The following SLC16A12 variants were observed in gnomAD, a reference collection of about 807,000 sequenced individuals.
The protein encoded by SLC16A12 is solute carrier family 16 member 12, also known as monocarboxylate transporter 12.
SLC16A12 carries 17 observed loss-of-function variants against 42.4 expected under a neutral mutation model. That is an observed-to-expected ratio of 0.40 (90% CI 0.27 to 0.60). The LOEUF is 0.60. Among genes scored for constraint, SLC16A12 ranks in the 20% least tolerant of loss-of-function variants. The pLI, the probability that SLC16A12 is intolerant of heterozygous loss-of-function variation, is 0.42. For missense variants in SLC16A12, 544 were observed against 623.0 expected (o/e 0.87, Z 1.35); for synonymous variants, 224 against 229.4 (o/e 0.98, Z 0.21).
chr10:89,473,565 G>C (rs1842534363), intron 2 of SLC16A12, among the ~76,000 whole-genome samples: 1 of 152,176 alleles, frequency 6.6e-6, no homozygotes, highest in Non-Finnish European at 1.5e-5. Flanking sequence ...ATTTAAAATG[G>C]AGGCTTATGA....
At chr10:89,440,283 C>CT (rs1458678419) in intron 5 of SLC16A12, among the ~76,000 whole-genome samples, 1 of 152,100 alleles carries the variant, frequency 6.6e-6, no homozygotes. Context: ...GGATGTGGGA[C>CT]TTCCAGTGTT....
At chr10:89,527,100 CA>C (rs1391844669) in intron 2 of SLC16A12, among the ~76,000 whole-genome samples, 6 of 152,092 alleles carry the variant, frequency 3.9e-5, no homozygotes, top group African/African-American at 1.4e-4. Flanking sequence ...ACAAAATCAA[CA>C]GTTAAAGTGT....
At position 89,522,323 on chromosome 10, in the gene SLC16A12, C is replaced by T. The variant is rs184842550; in HGVS notation, c.-47+12178G>A. On this transcript the variant is annotated intron_variant, in intron 2 of 7. Transcript: ENST00000371790. ...TGAGCCCTTGGGTCCTTTGCTGCTC[C>T]GCTTTCCCCCATTCCATTAACTGGT... Among the ~76,000 whole-genome samples, 10 of 152,332 alleles carry T rather than the reference C, an allele frequency of 6.6e-5. No individual in the cohort carries two copies. The East Asian group carries it at 1.5e-3, about 24-fold the overall frequency.
chr10:89,479,035 G>A (rs1037391322), intron 2 of SLC16A12, among the ~76,000 whole-genome samples: 3 of 152,084 alleles, frequency 2.0e-5, no homozygotes, highest in African/African-American at 7.2e-5. Context: ...CTTACTTATG[G>A]ACTGACCTTA....
At chr10:89,531,000 T>TA (rs902283805) in intron 2 of SLC16A12, among the ~76,000 whole-genome samples, 2 of 152,014 alleles carry the variant, frequency 1.3e-5, no homozygotes, top group African/African-American at 4.8e-5. Context: ...TGTTGATATA[T>TA]TTTTTTTAAC....
chr10:89,474,924 C>T (rs1335256419), intron 2 of SLC16A12, among the ~76,000 whole-genome samples: 2 of 152,274 alleles, frequency 1.3e-5, no homozygotes, highest in East Asian at 1.9e-4. Flanking sequence ...TCTTATTCAC[C>T]GCAAACCATT....
intron 2 of SLC16A12, among the ~76,000 whole-genome samples, chr10:89,471,830 C>A (rs1842499582): frequency 6.6e-6 from 1 of 152,120 alleles, no homozygotes. Flanking sequence ...CTAGTGATAT[C>A]AAATGGTATC....
chr10:89,434,438 T>C (rs1841745691), intron 7 of SLC16A12, among the ~76,000 whole-genome samples: 1 of 152,124 alleles, frequency 6.6e-6, no homozygotes, highest in African/African-American at 2.4e-5. Context: ...AAATAAGCTA[T>C]GAAAGGAGGA....
intron 2 of SLC16A12, among the ~76,000 whole-genome samples, chr10:89,511,063 T>C (rs1177149852): frequency 6.6e-6 from 1 of 152,150 alleles, no homozygotes; most frequent in East Asian, 1.9e-4. Flanking sequence ...TGGTGATCAT[T>C]AAAAAGTCAG....
chr10:89,503,097 G>T (rs976399944), intron 2 of SLC16A12, among the ~76,000 whole-genome samples: 2 of 152,174 alleles, frequency 1.3e-5, no homozygotes, highest in African/African-American at 4.8e-5. Flanking sequence ...AGAAACAATA[G>T]GATGAGAGAG....
chr10:89,472,078 T>C (rs552783724), intron 2 of SLC16A12, among the ~76,000 whole-genome samples: 176 of 152,326 alleles, frequency 1.2e-3, no homozygotes, highest in Non-Finnish European at 1.1e-3. Context: ...GGCTTACCTA[T>C]TCATTAATTA....
At chr10:89,525,565 A>G (rs1159968440) in intron 2 of SLC16A12, among the ~76,000 whole-genome samples, 1 of 152,216 alleles carries the variant, frequency 6.6e-6, no homozygotes, top group African/African-American at 2.4e-5. Flanking sequence ...TCACTGGAAC[A>G]CTTCAATTAT....
At chr10:89,460,503 C>T (rs1238723775) in intron 3 of SLC16A12, among the ~76,000 whole-genome samples, 1 of 151,902 alleles carries the variant, frequency 6.6e-6, no homozygotes, top group Non-Finnish European at 1.5e-5. Flanking sequence ...GCGGGTGGAT[C>T]ACCTGAGGTC....
intron 2 of SLC16A12, among the ~76,000 whole-genome samples, chr10:89,483,751 A>AAAAT (rs1340674342): frequency 1.3e-5 from 2 of 149,090 alleles, no homozygotes; most frequent in East Asian, 1.9e-4. Context: ...AAAAAAAAAA[A>AAAAT]AACAAAAAAA....
intron 2 of SLC16A12, among the ~76,000 whole-genome samples, chr10:89,542,630 T>C (rs1843721758): frequency 6.6e-6 from 1 of 152,112 alleles, no homozygotes. Context: ...TAGTTTTATC[T>C]CCCTATCTAT....
At chr10:89,497,772 C>T (rs2133816829) in intron 2 of SLC16A12, among the ~76,000 whole-genome samples, 1 of 152,006 alleles carries the variant, frequency 6.6e-6, no homozygotes, top group South Asian at 2.1e-4. Flanking sequence ...TCATTAAGGC[C>T]AAGTCGATCT....
intron 2 of SLC16A12, among the ~76,000 whole-genome samples, chr10:89,518,243 A>G (rs1199453699): frequency 6.6e-6 from 1 of 152,216 alleles, no homozygotes; most frequent in African/African-American, 2.4e-5. Context: ...AGAGAGCACA[A>G]ATAGCTCTCC....
intron 2 of SLC16A12, among the ~76,000 whole-genome samples, chr10:89,501,438 A>G (rs1842989818): frequency 1.3e-5 from 2 of 152,232 alleles, no homozygotes; most frequent in South Asian, 4.1e-4. Flanking sequence ...ACAGCATGGT[A>G]CTAGTATAAA....
rs1843063597 is a variant in SLC16A12, at chr10:89,506,509, A to G, written c.-47+27992T>C. On this transcript the variant is annotated intron_variant, in intron 2 of 7. Coordinates refer to ENST00000371790, the MANE Select transcript of SLC16A12 (RefSeq NM_213606.4). ...TGACTGTTAGAAGGAAAATTAACAA[A>G]CAGAAAGGAATAGCATCAACATCAA... Among the ~76,000 whole-genome samples the G allele has an allele frequency of 3.3e-5, 5 of 152,204 alleles. No individual in the cohort carries two copies. The South Asian group carries it at 1.0e-3, about 31-fold the overall frequency.
Sources: gnomAD v4.1 joint callset for allele counts (sites outside exome capture counted in the v4.1 genomes callset) on GRCh38, gnomAD v4.1.1 for gene constraint, MANE v1.5 for transcripts, NCBI Gene and HGNC (gene_info 2026-07-23, HGNC 2026-07-21) for gene names.